The following KLHL14 variants were observed in gnomAD, a reference collection of about 807,000 sequenced individuals.
KLHL14 encodes the protein kelch like family member 14.
A neutral mutation model predicts 64.3 loss-of-function variants in KLHL14; 22 were observed. The observed-to-expected ratio is 0.34, with a 90% CI of 0.24 to 0.49. The LOEUF (loss-of-function observed/expected upper bound fraction) is 0.49. KLHL14 is among the 20% of genes least tolerant of loss of function. KLHL14 has a pLI of 0.99. For missense variants in KLHL14, 661 were observed against 789.0 expected (o/e 0.84, Z 1.94); for synonymous variants, 322 against 333.4 (o/e 0.97, Z 0.37).
At chr18:32,765,353 T>C (rs375423331) in intron 2 of KLHL14, among the ~76,000 whole-genome samples, 2 of 152,212 alleles carry the variant, frequency 1.3e-5, no homozygotes, top group African/African-American at 4.8e-5. Context: ...GAATTAAAAC[T>C]GGAAAATGTC....
At chr18:32,721,388 A>G (rs2050079258) in intron 3 of KLHL14, among the ~76,000 whole-genome samples, 1 of 151,722 alleles carries the variant, frequency 6.6e-6, no homozygotes, top group African/African-American at 2.4e-5. Flanking sequence ...GTGTAGAGCT[A>G]AGAGATAAGA....
Position 32,750,162 on chromosome 18 carries a change from T to C in KLHL14, c.948-8113A>G, listed in dbSNP as rs78087391. On this transcript the variant is annotated intron_variant, in intron 2 of 8. Transcript: ENST00000359358. ...TCCCAAAGGTCCCATATCCAAATACTATCTTACTGGTGATTAGGGTTTCAA... is the reference window on the plus strand; with the variant it reads ...TCCCAAAGGTCCCATATCCAAATACCATCTTACTGGTGATTAGGGTTTCAA... Among the ~76,000 whole-genome samples, 765 of 152,106 alleles carry C rather than the reference T, an allele frequency of 5.0e-3. 5 individuals carry two copies. The highest frequency in any genetic ancestry group is 7.1e-3 in the Non-Finnish European group (482 of 67,978).
intron 2 of KLHL14, among the ~76,000 whole-genome samples, chr18:32,755,119 T>C (rs1247872665): frequency 6.6e-6 from 1 of 152,014 alleles, no homozygotes; most frequent in African/African-American, 2.4e-5. Context: ...AGGGAGCCAG[T>C]TCTTTCTGTT....
chr18:32,757,434 C>A (rs2050287738), intron 2 of KLHL14, among the ~76,000 whole-genome samples: 1 of 152,190 alleles, frequency 6.6e-6, no homozygotes, highest in Admixed American at 6.5e-5. Flanking sequence ...TCAGCCATGA[C>A]TGAAAATCCC....
intron 2 of KLHL14, among the ~76,000 whole-genome samples, chr18:32,752,338 A>T (rs1004139556): frequency 6.6e-6 from 1 of 152,176 alleles, no homozygotes; most frequent in Non-Finnish European, 1.5e-5. Flanking sequence ...GAAAAAGGAA[A>T]AAGCGTATTT....
rs990206807 is a variant in KLHL14, at chr18:32,750,790, G to A, written c.948-8741C>T. Among the ~76,000 whole-genome samples the A allele has an allele frequency of 2.6e-5, 4 of 152,070 alleles. No individual in the cohort carries two copies. The East Asian group carries it at 7.7e-4, about 29-fold the overall frequency. On this transcript the variant is annotated intron_variant, in intron 2 of 8. Coordinates refer to ENST00000359358, the MANE Select transcript of KLHL14 (RefSeq NM_020805.3). ...CCATCAGCTGGATTCAGCTGGGTTG[G>A]TTCTCCCTTGTGCTGTTGTAAAGTG... is the stretch of plus-strand genomic sequence containing the variant.
chr18:32,734,159 T>A (rs2050151117), intron 3 of KLHL14: 1 of 702,906 alleles, frequency 1.4e-6, no homozygotes, highest in Non-Finnish European at 2.6e-6. Context: ...CACATTGTGT[T>A]GTTTGAAAAT....
chr18:32,756,453 A>C (rs2144544796), intron 2 of KLHL14, among the ~76,000 whole-genome samples: 1 of 152,250 alleles, frequency 6.6e-6, no homozygotes, highest in South Asian at 2.1e-4. Context: ...TTCAAAAAAA[A>C]CCTTTCTAAG....
rs2144470814 is a variant in KLHL14 at position 32,684,104 on chromosome 18, A to G, written c.1238+3051T>C. Reference sequence around the variant, plus strand: ...ACACTTCAAACATCAACTTTTACTGAAAAAAAATTAAGTTACCAAAGCATT... The same window carrying G: ...ACACTTCAAACATCAACTTTTACTGGAAAAAAATTAAGTTACCAAAGCATT... On this transcript the variant is annotated intron_variant, in intron 5 of 8. Coordinates refer to ENST00000359358, the MANE Select transcript of KLHL14 (RefSeq NM_020805.3). 1.4e-5 allele frequency among the ~76,000 whole-genome samples: 2 copies of G among 147,256 alleles called. 1 individual carries two copies. Among genetic ancestry groups the G allele is most frequent in the Middle Eastern group, 6.8e-3 (2 of 292 alleles).
At chr18:32,685,675 A>G (rs958247499) in intron 5 of KLHL14, among the ~76,000 whole-genome samples, 1 of 152,144 alleles carries the variant, frequency 6.6e-6, no homozygotes, top group Non-Finnish European at 1.5e-5. Context: ...ACATTCCTAA[A>G]ACTGTCTGTG....
chr18:32,741,983 G>A lies in KLHL14; in HGVS notation c.1014C>T (p.Pro338=). ...GGLPPGPDRL[P]SNLVQYYDDE... ...CGTCGTAATACTGAACCAAATTGCT[G>A]GGGAGCCGGTCCGGTCCAGGAGGCA... The change falls in exon 3 of 9, where the codon CCC becomes CCT. Residue 338 remains proline, a synonymous_variant. Coordinates refer to ENST00000359358, the MANE Select transcript of KLHL14 (RefSeq NM_020805.3). The A allele has an allele frequency of 6.2e-7, 1 of 1,612,798 alleles. No individual in the cohort carries two copies. Among genetic ancestry groups the A allele is most frequent in the Non-Finnish European group, 8.5e-7 (1 of 1,179,676 alleles).
At chr18:32,751,100 A>T (rs1054305844) in intron 2 of KLHL14, among the ~76,000 whole-genome samples, 6 of 152,238 alleles carry the variant, frequency 3.9e-5, no homozygotes, top group African/African-American at 1.4e-4. Flanking sequence ...GATCGTGGGG[A>T]GGAAGTAACA....
chr18:32,698,489 G>A (rs557139049), intron 3 of KLHL14, among the ~76,000 whole-genome samples: 14 of 152,298 alleles, frequency 9.2e-5, no homozygotes, highest in Non-Finnish European at 1.8e-4. Flanking sequence ...AGACAGACAG[G>A]TGGGGCTGTA....
At chr18:32,768,698 C>T (rs1289909857) in intron 2 of KLHL14, among the ~76,000 whole-genome samples, 1 of 152,140 alleles carries the variant, frequency 6.6e-6, no homozygotes, top group Non-Finnish European at 1.5e-5. Flanking sequence ...CAATAAAACA[C>T]GATTGTCAAT....
rs1229737083 is a variant in KLHL14 at position 32,693,413 on chromosome 18, C to CACACACACAGAG, written c.1159+2049_1159+2050insCTCTGTGTGTGT. 2.4e-3 allele frequency among the ~76,000 whole-genome samples: 236 copies of CACACACACAGAG among 97,014 alleles called. 4 individuals carry two copies. The highest frequency in any genetic ancestry group is 0.011 in the African/African-American group (224 of 20,658). 63.6% of individuals were successfully genotyped at this position (97,014 alleles called of 152,430 possible). ...ACACACACACACACACACACACACA[C>CACACACACAGAG]AGAGAGAGAGAGAGAGAGAGAGAGA... On this transcript the variant is annotated intron_variant, in intron 4 of 8. Coordinates refer to ENST00000359358, the MANE Select transcript of KLHL14 (RefSeq NM_020805.3).
At chr18:32,700,986 A>G (rs1454788676) in intron 3 of KLHL14, among the ~76,000 whole-genome samples, 1 of 152,212 alleles carries the variant, frequency 6.6e-6, no homozygotes, top group East Asian at 1.9e-4. Flanking sequence ...CAAGAAGACC[A>G]GAACACAGGG....
In KLHL14 at chr18:32,769,934, C is replaced by T. The variant is rs2050369806; in HGVS notation, c.658G>A (p.Glu220Lys). The change falls in exon 2 of 9, where the codon GAG becomes AAG. Residue 220 changes from glutamate (E) to lysine (K), a missense_variant. Coordinates refer to ENST00000359358, the MANE Select transcript of KLHL14 (RefSeq NM_020805.3). Reference protein sequence around the residue: ...VEDVLLLNFEEMRALLDSLPP... With the variant: ...VEDVLLLNFEKMRALLDSLPP... ...AGCGAGTCCAGCAGGGCGCGCATCT[C>T]CTCGAAGTTGAGCAGCAGCACATCC... 1 of 1,614,070 alleles carries T rather than the reference C, an allele frequency of 6.2e-7. No individual in the cohort carries two copies. The highest frequency in any genetic ancestry group is 1.7e-5 in the Admixed American group (1 of 60,008).
At chr18:32,768,136 GCTCA>G (rs749088033) in intron 2 of KLHL14, among the ~76,000 whole-genome samples, 1 of 151,956 alleles carries the variant, frequency 6.6e-6, no homozygotes, top group African/African-American at 2.4e-5. Flanking sequence ...GGCCTCTTGT[GCTCA>G]CTGTTAAAAG....
chr18:32,732,486 G>T (rs1256514381), intron 3 of KLHL14, among the ~76,000 whole-genome samples: 1 of 152,172 alleles, frequency 6.6e-6, no homozygotes, highest in Non-Finnish European at 1.5e-5. Flanking sequence ...ATCTTGGGAG[G>T]ATTGCACTTT....
Sources: allele counts gnomAD v4.1 joint callset (sites outside exome capture counted in the v4.1 genomes callset), GRCh38; gene constraint gnomAD v4.1.1; transcripts MANE v1.5; gene names NCBI Gene and HGNC (gene_info 2026-07-23, HGNC 2026-07-21).